The following COL14A1 variants were observed in gnomAD, a reference collection of about 807,000 sequenced individuals.
COL14A1 encodes collagen alpha-1(XIV) chain.
Under a neutral mutation model 230.3 loss-of-function variants are expected in COL14A1, and 136 were observed. That is an observed-to-expected ratio of 0.59 (90% CI 0.51 to 0.68). The LOEUF (loss-of-function observed/expected upper bound fraction) is 0.68, where lower values mean the gene tolerates loss of function less well. Among genes scored for constraint, COL14A1 ranks in the 30% least tolerant of loss-of-function variants. COL14A1 has a pLI of 0.00. For missense variants in COL14A1, 1,976 were observed against 2,215.8 expected, an observed-to-expected ratio of 0.89 and a Z score of 2.17; for synonymous variants, 792 against 784.1, an observed-to-expected ratio of 1.01 and a Z score of -0.17.
In COL14A1 at chr8:120,228,824, G is replaced by C. The variant is rs370775130; in HGVS notation, c.2197+55G>C. ...CTTTAAAAATTTTCTTTAAACAGAT[G>C]TTATATTATCCTGGTTTTATTTATT... On this transcript the variant is annotated intron_variant, in intron 18 of 47. Transcript: ENST00000297848. 9.4e-5 allele frequency: 132 copies of C among 1,402,776 alleles called. 1 individual carries two copies. In the African/African-American group the frequency reaches 1.8e-3, roughly 19 times the overall value. The allele number at this position is 1,402,776 out of a possible 1,614,324, so 86.9% of individuals were successfully genotyped here. A position where few individuals can be genotyped will look rare whatever the true frequency, so the allele number is the denominator to read the frequency against.
chr8:120,153,440 C>T (rs1815354414), intron 2 of COL14A1, among the ~76,000 whole-genome samples: 1 of 152,170 alleles, frequency 6.6e-6, no homozygotes, highest in Non-Finnish European at 1.5e-5. Context: ...CTGCCTTGGC[C>T]TCCCAAAGTG....
At chr8:120,354,214 G>C (rs1822890039) in intron 45 of COL14A1, among the ~76,000 whole-genome samples, 1 of 108,564 alleles carries the variant, frequency 9.2e-6, no homozygotes, top group South Asian at 3.7e-4. Context: ...ACACAGGAAG[G>C]GGAATATCAC....
chr8:120,173,648 C>CTCTATCTATCTATCTA (rs59734398), intron 5 of COL14A1, among the ~76,000 whole-genome samples: 377 of 146,362 alleles, frequency 2.6e-3, no homozygotes, highest in Non-Finnish European at 3.1e-3. Context: ...TATTATCTGT[C>CTCTATCTATCTATCTA]TCTATCTATC....
chr8:120,202,862 G>T (rs1817294943), intron 8 of COL14A1, among the ~76,000 whole-genome samples: 1 of 151,566 alleles, frequency 6.6e-6, no homozygotes, highest in African/African-American at 2.4e-5. Context: ...GGAAGGACCA[G>T]GAATTTTCTA....
chr8:120,347,510 C>T (rs1188725952), intron 45 of COL14A1, among the ~76,000 whole-genome samples: 4 of 152,114 alleles, frequency 2.6e-5, no homozygotes, highest in African/African-American at 9.7e-5. Context: ...TCCTCATTCC[C>T]GGCAAAGTTA....
At chr8:120,285,400 C>G (rs1388667431) in intron 32 of COL14A1, among the ~76,000 whole-genome samples, 1 of 133,796 alleles carries the variant, frequency 7.5e-6, no homozygotes, top group African/African-American at 2.9e-5. Flanking sequence ...GGAGGTGGAG[C>G]TTGCAGTGAG....
At chr8:120,254,685 T>C (rs1331950317) in intron 22 of COL14A1, among the ~76,000 whole-genome samples, 1 of 151,994 alleles carries the variant, frequency 6.6e-6, no homozygotes, top group Non-Finnish European at 1.5e-5. Context: ...CTTCCTCTTC[T>C]ATTTAAAATG....
intron 34 of COL14A1, among the ~76,000 whole-genome samples, chr8:120,294,760 A>T (rs1820474018): frequency 6.6e-6 from 1 of 151,854 alleles, no homozygotes; most frequent in Admixed American, 6.6e-5. Context: ...CTAAACTATT[A>T]CAAGTGCAAA....
intron 3 of COL14A1, among the ~76,000 whole-genome samples, chr8:120,160,388 C>G (rs558499847): frequency 6.6e-6 from 1 of 151,844 alleles, no homozygotes; most frequent in Non-Finnish European, 1.5e-5. Context: ...GCTGATAATA[C>G]CAAACTATTA....
intron 36 of COL14A1, among the ~76,000 whole-genome samples, chr8:120,304,775 T>A (rs984835654): frequency 6.6e-6 from 1 of 152,186 alleles, no homozygotes; most frequent in African/African-American, 2.4e-5. Flanking sequence ...CATTTAAGAA[T>A]AACACCCAGG....
At chr8:120,243,553 A>G (rs1057472507) in intron 19 of COL14A1, among the ~76,000 whole-genome samples, 4 of 152,188 alleles carry the variant, frequency 2.6e-5, no homozygotes, top group Non-Finnish European at 4.4e-5. Flanking sequence ...AGCTCTCCCA[A>G]TCTATAAACA....
At chr8:120,339,467 C>G (rs1822209163) in intron 42 of COL14A1, among the ~76,000 whole-genome samples, 2 of 152,088 alleles carry the variant, frequency 1.3e-5, no homozygotes, top group Non-Finnish European at 2.9e-5. Context: ...TATTTTTCAT[C>G]AATTTCTGTT....
intron 45 of COL14A1, among the ~76,000 whole-genome samples, chr8:120,349,766 T>A (rs1407109327): frequency 1.5e-5 from 2 of 133,234 alleles, no homozygotes; most frequent in Non-Finnish European, 3.1e-5. Flanking sequence ...CTGATTGGTT[T>A]ACCTGAAAGT....
chr8:120,151,330 A>G (rs2130485116), intron 2 of COL14A1, among the ~76,000 whole-genome samples: 1 of 152,256 alleles, frequency 6.6e-6, no homozygotes, highest in African/African-American at 2.4e-5. Flanking sequence ...ATTAATTTGC[A>G]AAGCCAAATA....
chr8:120,264,496 C>G (rs1819445342), intron 24 of COL14A1, among the ~76,000 whole-genome samples: 1 of 152,152 alleles, frequency 6.6e-6, no homozygotes, highest in Admixed American at 6.6e-5. Context: ...AATACCTACT[C>G]TCTTGCCTCA....
At chr8:120,345,597 C>CG (rs777022961) in intron 45 of COL14A1, 34 bp downstream of exon 45, 19 of 1,479,714 alleles carry the variant, frequency 1.3e-5, no homozygotes, top group Admixed American at 2.8e-5. Flanking sequence ...AGGAACTCCT[C>CG]TGAGTTGGGT....
intron 45 of COL14A1, among the ~76,000 whole-genome samples, chr8:120,360,524 A>G (rs1227260211): frequency 3.3e-5 from 5 of 152,160 alleles, no homozygotes; most frequent in Non-Finnish European, 7.3e-5. Context: ...TTGCGCATGC[A>G]TGTTCGTCTG....
chr8:120,255,179 A>AT, intron 22 of COL14A1, 61 bp from the exon 23 acceptor site: 1 of 1,345,516 alleles, frequency 7.4e-7, no homozygotes, highest in Non-Finnish European at 1.1e-6. Context: ...TTAATTTCAG[A>AT]TTCAGGGATG....
chr8:120,356,931 G>A (rs535386646), intron 45 of COL14A1, among the ~76,000 whole-genome samples: 1 of 152,128 alleles, frequency 6.6e-6, no homozygotes, highest in Non-Finnish European at 1.5e-5. Context: ...TTTCCTAATG[G>A]TGTAGTCATT....
Sources: gnomAD v4.1 joint callset for allele counts (sites outside exome capture counted in the v4.1 genomes callset) on GRCh38, gnomAD v4.1.1 for gene constraint, MANE v1.5 for transcripts, NCBI Gene and HGNC (gene_info 2026-07-23, HGNC 2026-07-21) for gene names.